The following CTDSP2 variants were observed in gnomAD, a reference collection of about 807,000 sequenced individuals.
CTDSP2 encodes carboxy-terminal domain RNA polymerase II polypeptide A small phosphatase 2.
Under a neutral mutation model 31.6 loss-of-function variants are expected in CTDSP2, and 9 were observed. That is an observed-to-expected ratio of 0.28 (90% CI 0.17 to 0.50). The LOEUF is 0.50. CTDSP2 is among the 20% of genes least tolerant of loss of function. CTDSP2 has a pLI of 0.98. For missense variants in CTDSP2, 267 were observed against 348.5 expected, an observed-to-expected ratio of 0.77 and a Z score of 1.86; for synonymous variants, 134 against 134.5, an observed-to-expected ratio of 1.00 and a Z score of 0.03.
chr12:57,834,859 A>C (rs1450290997), intron 1 of CTDSP2, among the ~76,000 whole-genome samples: 1 of 152,210 alleles, frequency 6.6e-6, no homozygotes, highest in East Asian at 1.9e-4. Context: ...ATGGTGGCTC[A>C]TGCCTGTAAT....
chr12:57,839,441 G>A (rs934120247), intron 1 of CTDSP2, among the ~76,000 whole-genome samples: 1 of 152,180 alleles, frequency 6.6e-6, no homozygotes, highest in African/African-American at 2.4e-5. Context: ...ATGTTAGGCC[G>A]GGCACGGTGG....
intron 1 of CTDSP2, among the ~76,000 whole-genome samples, chr12:57,844,910 T>C (rs1334759018): frequency 2.4e-5 from 3 of 125,594 alleles, no homozygotes; most frequent in African/African-American, 5.8e-5. Flanking sequence ...CCCCCACCCT[T>C]CCCCCCTCCC....
At chr12:57,844,668 C>G (rs1439285565) in intron 1 of CTDSP2, among the ~76,000 whole-genome samples, 1 of 152,116 alleles carries the variant, frequency 6.6e-6, no homozygotes, top group East Asian at 1.9e-4. Context: ...AGGCTCCCTT[C>G]CTTTTTCAGC....
chr12:57,833,876 G>A (rs1295390125), intron 1 of CTDSP2, among the ~76,000 whole-genome samples: 1 of 152,234 alleles, frequency 6.6e-6, no homozygotes, highest in African/African-American at 2.4e-5. Flanking sequence ...TCAAGGATGT[G>A]CCAGGTCTGC....
chr12:57,826,349 G>C lies in CTDSP2; in HGVS notation c.408C>G (p.His136Gln), dbSNP rs1477745119. Residue 136 changes from histidine (H) to glutamine (Q), a missense_variant, in exon 5 of 8, where the codon CAC becomes CAG. Around this residue, in one of 2 missense-constraint regions of CTDSP2, gnomAD observed 156 missense variants for 241.3 expected, o/e 0.65. Transcript: ENST00000398073. The stretch of plus-strand genomic sequence containing the variant: ...TGTGGTCTGGCTGGCAGCTCACCTG[G>C]TGAGTGGTCCCCTCAATCTCTATAG... ...IVPIEIEGTT[H>Q]QVYVLKRPYV... The C allele has an allele frequency of 6.2e-7, 1 of 1,614,020 alleles. No individual in the cohort carries two copies. Among genetic ancestry groups the C allele is most frequent in the South Asian group, 1.1e-5 (1 of 91,076 alleles).
intron 1 of CTDSP2, 121 bp downstream of exon 1, chr12:57,846,250 GT>G: frequency 2.3e-6 from 2 of 872,004 alleles, no homozygotes. Context: ...GACCGGAGGG[GT>G]CCAGTCGGGA....
At position 57,840,769 on chromosome 12, in the gene CTDSP2, T is replaced by A. The variant is rs56074079; in HGVS notation, c.64+5603A>T. 2.3e-5 allele frequency among the ~76,000 whole-genome samples: 3 copies of A among 129,380 alleles called. No homozygotes were observed. In the East Asian group the frequency reaches 6.6e-4, roughly 29 times the overall value. 84.9% of individuals were successfully genotyped at this position (129,380 alleles called of 152,430 possible). On this transcript the variant is annotated intron_variant, in intron 1 of 7. Coordinates refer to ENST00000398073, the MANE Select transcript of CTDSP2 (RefSeq NM_005730.4). ...AAAGTCTGATTTGGGGGGATGGGGG[T>A]GGGGGAAGGACTAGAGCACCTAGGA...
intron 2 of CTDSP2, 55 bp from the exon 3 acceptor site, chr12:57,827,645 C>T: frequency 3.2e-6 from 5 of 1,549,190 alleles, no homozygotes; most frequent in Non-Finnish European, 4.4e-6. Context: ...CCACCCCATC[C>T]AAACCCACTG....
chr12:57,823,625 G>C lies in CTDSP2; in HGVS notation c.793C>G (p.Leu265Val), dbSNP rs1270679448. ...GGCTAAGGGGCCCGCAGCTGCCCAA[G>C]GCTGGTGTAGACGTCCTCTGCTCCG... ...LSGAEDVYTS[L>V]GQLRAP Residue 265 changes from leucine to valine, a missense_variant, in exon 8 of 8, where the codon CTT (leucine) becomes GTT (valine). Coordinates refer to ENST00000398073, the MANE Select transcript of CTDSP2 (RefSeq NM_005730.4). 6.2e-7 allele frequency: 1 copy of C among 1,613,914 alleles called. No individual in the cohort carries two copies. The highest frequency in any genetic ancestry group is 8.5e-7 in the Non-Finnish European group (1 of 1,180,006).
chr12:57,827,947 T>C (rs1251909560), intron 2 of CTDSP2, among the ~76,000 whole-genome samples: 1 of 152,170 alleles, frequency 6.6e-6, no homozygotes, highest in Non-Finnish European at 1.5e-5. Context: ...AAACTCTCGC[T>C]AAGTCCTTAA....
At position 57,827,082 on chromosome 12, in the gene CTDSP2, G is replaced by A; in HGVS notation, c.268C>T (p.Leu90=). ...TCTTCCTCTGTCACCTCTGGGAGCA[G>A]GCAGGTCCCTGGGATCTAAAACCAA... ...YQFYQIPGTC[L]LPEVTEEDQG... The change falls in exon 4 of 8, where the codon CTG becomes TTG. Residue 90 remains leucine, a synonymous_variant. Coordinates refer to ENST00000398073, the MANE Select transcript of CTDSP2 (RefSeq NM_005730.4). 6.2e-7 allele frequency: 1 copy of A among 1,613,456 alleles called. No individual in the cohort carries two copies. Among genetic ancestry groups the A allele is most frequent in the Non-Finnish European group, 8.5e-7 (1 of 1,179,838 alleles).
At chr12:57,838,011 AG>A in intron 1 of CTDSP2, among the ~76,000 whole-genome samples, 1 of 152,260 alleles carries the variant, frequency 6.6e-6, no homozygotes, top group East Asian at 1.9e-4. Context: ...TTTTGGGAGC[AG>A]GGGATTTCTG....
chr12:57,831,214 GGGA>G (rs1204760219), intron 1 of CTDSP2, among the ~76,000 whole-genome samples: 1 of 151,910 alleles, frequency 6.6e-6, no homozygotes, highest in Non-Finnish European at 1.5e-5. Flanking sequence ...CCAGCACTTT[GGGA>G]GGCCGAGGCA....
intron 1 of CTDSP2, among the ~76,000 whole-genome samples, chr12:57,838,038 G>A (rs989017548): frequency 2.0e-4 from 31 of 152,264 alleles, no homozygotes; most frequent in East Asian, 3.9e-4. Flanking sequence ...TCTAAAGCAC[G>A]CTGATTTCAG....
intron 1 of CTDSP2, among the ~76,000 whole-genome samples, chr12:57,838,302 A>G (rs1387609262): frequency 1.3e-5 from 2 of 152,198 alleles, no homozygotes; most frequent in African/African-American, 4.8e-5. Context: ...GCCATCCAAG[A>G]AAACTCAAAG....
chr12:57,836,813 C>CATCT (rs1956250599), intron 1 of CTDSP2, among the ~76,000 whole-genome samples: 1 of 152,216 alleles, frequency 6.6e-6, no homozygotes. Flanking sequence ...ACTCCTCACA[C>CATCT]ATCTGCCTGC....
intron 1 of CTDSP2, among the ~76,000 whole-genome samples, chr12:57,845,913 T>C (rs1956312587): frequency 6.6e-6 from 1 of 152,040 alleles, no homozygotes; most frequent in African/African-American, 2.4e-5. Flanking sequence ...GACCTCGGGC[T>C]TGGGGGGGCC....
rs753894588 is a variant in CTDSP2, at chr12:57,824,330, G to A, written c.412-11C>T. On this transcript the variant is annotated splice_polypyrimidine_tract_variant and intron_variant, in intron 5 of 7. Coordinates refer to ENST00000398073, the MANE Select transcript of CTDSP2 (RefSeq NM_005730.4). ...CTTGAGCACATACACCTGAGGAAGAGCAGAGCAGCCTGTTGGAGGCATCCC... is the reference window on the plus strand; with the variant it reads ...CTTGAGCACATACACCTGAGGAAGAACAGAGCAGCCTGTTGGAGGCATCCC... 6.2e-6 allele frequency: 10 copies of A among 1,605,982 alleles called. No individual in the cohort carries two copies. The South Asian group carries it at 9.9e-5, about 16-fold the overall frequency.
intron 2 of CTDSP2, among the ~76,000 whole-genome samples, chr12:57,828,524 AC>A (rs1956197138): frequency 1.3e-5 from 2 of 152,342 alleles, no homozygotes; most frequent in Admixed American, 1.3e-4. Context: ...CATTCAGTGT[AC>A]TGCCTTCAAA....
Sources: gnomAD v4.1 joint callset for allele counts (sites outside exome capture counted in the v4.1 genomes callset) on GRCh38, gnomAD v4.1.1 for gene constraint, gnomAD v4.1.1 regional missense constraint, MANE v1.5 for transcripts, NCBI Gene and HGNC (gene_info 2026-07-23, HGNC 2026-07-21) for gene names.